Variants in MYH11 observed in about 807,000 individuals in gnomAD.
MYH11 encodes the protein myosin-11.
MYH11 carries 80 observed loss-of-function variants against 246.6 expected under a neutral mutation model. The ratio of observed to expected loss-of-function variants is 0.32; its 90% CI spans 0.27 to 0.39. The LOEUF (loss-of-function observed/expected upper bound fraction) is 0.39, where lower values mean the gene tolerates loss of function less well. Among genes scored for constraint, MYH11 ranks in the 10% least tolerant of loss-of-function variants. The pLI is 1.00. For missense variants in MYH11, 2,158 were observed against 2,546.8 expected (o/e 0.85, Z 3.29); for synonymous variants, 1,071 against 1,015.5 (o/e 1.05, Z -1.04).
intron 11 of MYH11, among the ~76,000 whole-genome samples, chr16:15,759,947 A>C (rs1202151457): frequency 6.6e-6 from 1 of 152,152 alleles, no homozygotes; most frequent in Non-Finnish European, 1.5e-5. Flanking sequence ...AAATACAAAA[A>C]TTAGCCAGGC....
intron 31 of MYH11, 137 bp downstream of exon 31, chr16:15,724,024 T>C (rs995527060): frequency 3.9e-5 from 57 of 1,465,420 alleles, no homozygotes; most frequent in Middle Eastern, 2.4e-4. Flanking sequence ...CAAGACAAGA[T>C]AAGACAGCCT....
In MYH11 at chr16:15,821,649, T is replaced by A. The variant is rs537828723; in HGVS notation, c.502+1606A>T. Among the ~76,000 whole-genome samples the A allele has an allele frequency of 2.6e-5, 4 of 151,870 alleles. No individual in the cohort carries two copies. In the East Asian group the frequency reaches 7.8e-4, roughly 29 times the overall value. On this transcript the variant is annotated intron_variant, in intron 3 of 40. Coordinates refer to ENST00000300036, the MANE Select transcript of MYH11 (RefSeq NM_002474.3). ...AAGAACCAGGAATTGCTGGGTATGG[T>A]GGCTTATGCCTGTAATCCCAGCACT... is the stretch of plus-strand genomic sequence containing the variant.
intron 40 of MYH11, among the ~76,000 whole-genome samples, chr16:15,710,941 G>C (rs766803012): frequency 6.6e-6 from 1 of 152,148 alleles, no homozygotes; most frequent in African/African-American, 2.4e-5. Flanking sequence ...GCCTCCCAAA[G>C]TGCTGGGATT....
chr16:15,846,647 G>C (rs1437314862), intron 1 of MYH11, among the ~76,000 whole-genome samples: 1 of 152,288 alleles, frequency 6.6e-6, no homozygotes, highest in African/African-American at 2.4e-5. Context: ...CCAGGAGTTT[G>C]AGACCAGCCT....
intron 25 of MYH11, among the ~76,000 whole-genome samples, chr16:15,735,988 T>C (rs754935744): frequency 6.6e-5 from 10 of 152,240 alleles, no homozygotes; most frequent in Admixed American, 1.3e-4. Flanking sequence ...ACCCGCCCCA[T>C]GCACAGCATT....
chr16:15,809,037 C>T (rs1052338906), intron 3 of MYH11, among the ~76,000 whole-genome samples: 23 of 152,160 alleles, frequency 1.5e-4, no homozygotes, highest in Admixed American at 1.2e-3. Context: ...CCCCAGCAGC[C>T]TCATAGAACC....
At chr16:15,708,887 A>G (rs544852537) in intron 40 of MYH11, 409 of 1,566,326 alleles carry the variant, frequency 2.6e-4, no homozygotes, top group Middle Eastern at 5.0e-4. Context: ...AGCAAACAAG[A>G]AGGAGCCCGG....
intron 3 of MYH11, among the ~76,000 whole-genome samples, chr16:15,816,933 A>G (rs2043276843): frequency 6.6e-6 from 1 of 152,230 alleles, no homozygotes; most frequent in South Asian, 2.1e-4. Flanking sequence ...TTTTTAAAAA[A>G]GGGAACAAGG....
chr16:15,814,575 A>AAAAG (rs1234276650), intron 3 of MYH11, among the ~76,000 whole-genome samples: 21 of 115,368 alleles, frequency 1.8e-4, no homozygotes, highest in African/African-American at 6.6e-4. Context: ...AAAAAAAAAA[A>AAAAG]AAAAAAAAAG....
intron 23 of MYH11, 32 bp downstream of exon 23, chr16:15,740,019 G>A: frequency 6.2e-7 from 1 of 1,611,432 alleles, no homozygotes; most frequent in Non-Finnish European, 8.5e-7. Context: ...TCGGATTATA[G>A]GCGTGAGCCA....
intron 15 of MYH11, among the ~76,000 whole-genome samples, chr16:15,752,841 C>T (rs13330959): frequency 0.47 from 71,017 of 152,016 alleles, 18,056 homozygotes; most frequent in East Asian, 0.68. Context: ...ATTGCACCAC[C>T]GCCCTCCAGC....
Position 15,778,997 on chromosome 16 carries a change from G to C in MYH11, c.727-154C>G, listed in dbSNP as rs2042287667. ...AGAACCCCACAGGTCAAGTTGTCAG[G>C]CGGAACCAACATCTGCTGAGCTGAA... On this transcript the variant is annotated intron_variant, in intron 6 of 40. Transcript: ENST00000300036. The C allele has an allele frequency of 5.3e-6, 4 of 758,768 alleles. No individual in the cohort carries two copies. The Admixed American group carries it at 7.9e-5, about 15-fold the overall frequency. The allele number at this position is 758,768 out of a possible 1,614,324, so 47.0% of individuals were successfully genotyped here. A position where few individuals can be genotyped will look rare whatever the true frequency, so the allele number is the denominator to read the frequency against.
rs373681440 is a variant in MYH11, at chr16:15,844,399, T to A, written c.-17-6130A>T. On this transcript the variant is annotated intron_variant, in intron 1 of 40. Coordinates refer to ENST00000300036, the MANE Select transcript of MYH11 (RefSeq NM_002474.3). ...TTTTAGTAGAGACGGGGTTTCACCA[T>A]ATTGTCCAGGCTGGTCTCAAACTCC... Among the ~76,000 whole-genome samples, 21 of 152,132 alleles carry A rather than the reference T, an allele frequency of 1.4e-4. 1 individual carries two copies. The highest frequency in any genetic ancestry group is 4.3e-4 in the African/African-American group (18 of 41,430).
chr16:15,760,728 G>A (rs2151278830), intron 10 of MYH11, 70 bp from the exon 11 acceptor site: 2 of 1,056,632 alleles, frequency 1.9e-6, no homozygotes, highest in East Asian at 2.4e-5. Context: ...CACATCGCAT[G>A]GGATATTTGT....
At chr16:15,839,482 C>T (rs1567212804) in intron 1 of MYH11, among the ~76,000 whole-genome samples, 1 of 151,432 alleles carries the variant, frequency 6.6e-6, no homozygotes, top group Non-Finnish European at 1.5e-5. Context: ...CACCTGAGGT[C>T]AGGAGTTCAA....
Position 15,703,576 on chromosome 16 carries a change from CAGGG to C in MYH11, c.*411_*414del. 1 of 347,172 alleles carries C rather than the reference CAGGG, an allele frequency of 2.9e-6. No homozygotes were observed. Among genetic ancestry groups the C allele is most frequent in the Non-Finnish European group, 5.4e-6 (1 of 184,270 alleles). The allele number at this position is 347,172 out of a possible 1,614,324, so 21.5% of individuals were successfully genotyped here. On this transcript the variant is annotated 3_prime_UTR_variant, in exon 41 of 41. Coordinates refer to ENST00000300036, the MANE Select transcript of MYH11 (RefSeq NM_002474.3). ...CAAACTTCAATTTTTACCTTGAATA[CAGGG>C]GTAGTAGGGGTGGTGGTGGTGGTGG... is the stretch of plus-strand genomic sequence containing the variant.
intron 3 of MYH11, among the ~76,000 whole-genome samples, chr16:15,819,534 C>T (rs143323651): frequency 6.6e-6 from 1 of 152,260 alleles, no homozygotes; most frequent in Non-Finnish European, 1.5e-5. Context: ...TAAGAGGGAT[C>T]CAGGCTGTGT....
intron 33 of MYH11, 103 bp from the exon 34 acceptor site, chr16:15,720,415 T>TTGTGAGG: frequency 2.7e-6 from 4 of 1,454,908 alleles, no homozygotes; most frequent in Non-Finnish European, 3.8e-6. Context: ...CACAGCCCCC[T>TTGTGAGG]TGTGAGGTGG....
Position 15,717,279 on chromosome 16 carries a change from G to C in MYH11, c.5365C>G (p.Gln1789Glu), listed in dbSNP as rs1596704952. The C allele has an allele frequency of 6.2e-7, 1 of 1,613,708 alleles. No individual in the cohort carries two copies. The highest frequency in any genetic ancestry group is 8.5e-7 in the Non-Finnish European group (1 of 1,180,042). Reference sequence around the variant, plus strand: ...AGCTCCTTGTTCTGCCGCTCGAGCTGCTGCCGGGCACTCTCATTCTTCTGG... The same window carrying C: ...AGCTCCTTGTTCTGCCGCTCGAGCTCCTGCCGGGCACTCTCATTCTTCTGG... ...TAQKNESARQ[Q>E]LERQNKELRS... The change falls in exon 38 of 41, where the codon CAG (glutamine) becomes GAG (glutamate). Residue 1789 changes from glutamine to glutamate, a missense_variant. This residue lies in a region of MYH11 where 1,013 missense variants were observed against 993.5 expected (regional missense o/e 1.02). Coordinates refer to ENST00000300036, the MANE Select transcript of MYH11 (RefSeq NM_002474.3).
Sources: allele counts gnomAD v4.1 joint callset (sites outside exome capture counted in the v4.1 genomes callset), GRCh38; gene constraint gnomAD v4.1.1; regional missense constraint gnomAD v4.1.1; transcripts MANE v1.5; gene names NCBI Gene and HGNC (gene_info 2026-07-23, HGNC 2026-07-21).